Variants in VPS54 observed in about 807,000 individuals in gnomAD.
VPS54 encodes the protein vacuolar protein sorting-associated protein 54.
In VPS54, 45 loss-of-function variants were observed where a neutral mutation model predicts 121.5. The ratio of observed to expected loss-of-function variants is 0.37; its 90% CI spans 0.29 to 0.47. VPS54 has a LOEUF of 0.47. VPS54 is among the 20% of genes least tolerant of loss of function. The pLI is 0.99. For synonymous variants in VPS54, 371 were observed against 385.8 expected, an observed-to-expected ratio of 0.96 and a Z score of 0.45; for missense variants, 1,090 against 1,131.4, an observed-to-expected ratio of 0.96 and a Z score of 0.52.
At chr2:63,901,228 C>CAT (rs1672667682) in intron 20 of VPS54, among the ~76,000 whole-genome samples, 1 of 152,044 alleles carries the variant, frequency 6.6e-6, no homozygotes, top group Non-Finnish European at 1.5e-5. Context: ...TCTGTAAGAC[C>CAT]ATACATCAGA....
At chr2:63,895,143 A>G (rs1441880010) in intron 22 of VPS54, among the ~76,000 whole-genome samples, 2 of 151,972 alleles carry the variant, frequency 1.3e-5, no homozygotes, top group Non-Finnish European at 2.9e-5. Flanking sequence ...ATCTTAGAGG[A>G]AAAAAAATCA....
At chr2:63,923,113 A>G (rs1673723116) in intron 12 of VPS54, among the ~76,000 whole-genome samples, 1 of 152,134 alleles carries the variant, frequency 6.6e-6, no homozygotes, top group Admixed American at 6.5e-5. Context: ...GGAGACCGAG[A>G]TCATCCTGGC....
At chr2:63,974,261 G>A (rs1034644605) in intron 3 of VPS54, among the ~76,000 whole-genome samples, 2 of 152,122 alleles carry the variant, frequency 1.3e-5, no homozygotes, top group African/African-American at 4.8e-5. Flanking sequence ...TCAGTTGATT[G>A]TATTTGTGTG....
chr2:64,007,640 A>G (rs1210529756), intron 1 of VPS54, among the ~76,000 whole-genome samples: 1 of 152,248 alleles, frequency 6.6e-6, no homozygotes, highest in Non-Finnish European at 1.5e-5. Context: ...TAGTTCAATT[A>G]CATTACAGGA....
intron 1 of VPS54, among the ~76,000 whole-genome samples, chr2:63,989,306 T>G (rs1378250711): frequency 6.6e-6 from 1 of 152,168 alleles, no homozygotes; most frequent in Non-Finnish European, 1.5e-5. Context: ...AAGCACGTGA[T>G]CTCTGTGACC....
chr2:63,897,075 C>A (rs1672473952), intron 22 of VPS54, among the ~76,000 whole-genome samples: 1 of 152,164 alleles, frequency 6.6e-6, no homozygotes, highest in Non-Finnish European at 1.5e-5. Flanking sequence ...AAAATATATA[C>A]ATATACACAC....
chr2:63,947,708 C>T (rs748662619), intron 8 of VPS54, among the ~76,000 whole-genome samples: 3 of 152,112 alleles, frequency 2.0e-5, no homozygotes, highest in Admixed American at 6.6e-5. Context: ...CCACAGTGAA[C>T]CAATGAAGCT....
At chr2:63,944,393 C>T (rs1482518903) in intron 10 of VPS54, among the ~76,000 whole-genome samples, 1 of 152,196 alleles carries the variant, frequency 6.6e-6, no homozygotes, top group Non-Finnish European at 1.5e-5. Context: ...CTTCCCTCTA[C>T]TCAAGGTCAC....
At chr2:63,972,288 G>T (rs1379259118) in intron 3 of VPS54, 44 bp from the exon 4 acceptor site, 1 of 1,416,874 alleles carries the variant, frequency 7.1e-7, no homozygotes, top group Non-Finnish European at 9.8e-7. Context: ...GTGTAAACAT[G>T]AGTATTCAAA....
At chr2:63,925,543 C>G (rs572282222) in intron 12 of VPS54, among the ~76,000 whole-genome samples, 1 of 152,262 alleles carries the variant, frequency 6.6e-6, no homozygotes, top group African/African-American at 2.4e-5. Context: ...ACATGTGCAA[C>G]AAAGGTATCT....
chr2:63,897,405 T>C, intron 22 of VPS54, 91 bp downstream of exon 22: 1 of 902,034 alleles, frequency 1.1e-6, no homozygotes, highest in Non-Finnish European at 1.7e-6. Context: ...TTCAGTGTGA[T>C]TACAGCAGAA....
chr2:63,982,033 T>C, intron 2 of VPS54, 146 bp from the exon 3 acceptor site: 1 of 887,684 alleles, frequency 1.1e-6, no homozygotes. Context: ...TAAAAATCAA[T>C]CTGATTGAAT....
intron 1 of VPS54, among the ~76,000 whole-genome samples, chr2:63,995,734 C>T (rs775925583): frequency 2.3e-4 from 35 of 152,152 alleles, no homozygotes; most frequent in Non-Finnish European, 4.4e-4. Context: ...AAATGCAGTG[C>T]GACTGGAATA....
At chr2:63,941,396 A>C (rs969671934) in intron 11 of VPS54, among the ~76,000 whole-genome samples, 1 of 151,856 alleles carries the variant, frequency 6.6e-6, no homozygotes, top group Non-Finnish European at 1.5e-5. Flanking sequence ...GGCTAATTTA[A>C]AAATTTATTT....
At chr2:64,005,264 C>A (rs932905106) in intron 1 of VPS54, among the ~76,000 whole-genome samples, 1 of 150,776 alleles carries the variant, frequency 6.6e-6, no homozygotes, top group South Asian at 2.1e-4. Context: ...CCACCGCGCC[C>A]GGCTAATTTT....
chr2:63,953,572 ATC>A (rs1675358142), intron 7 of VPS54, among the ~76,000 whole-genome samples: 1 of 152,176 alleles, frequency 6.6e-6, no homozygotes, highest in Non-Finnish European at 1.5e-5. Context: ...TTGCGGTAGT[ATC>A]TCCCATTGAG....
intron 12 of VPS54, among the ~76,000 whole-genome samples, chr2:63,923,651 A>G (rs148579428): frequency 3.9e-5 from 6 of 152,368 alleles, no homozygotes; most frequent in African/African-American, 1.4e-4. Flanking sequence ...ATATGCTTCA[A>G]CATGGATGAA....
rs564510895 is a variant in VPS54 at position 63,957,217 on chromosome 2, C to T, written c.1010+4841G>A. Among the ~76,000 whole-genome samples, 46 of 152,014 alleles carry T rather than the reference C, an allele frequency of 3.0e-4. No homozygotes were observed. The Middle Eastern group carries it at 0.01, about 34-fold the overall frequency. On this transcript the variant is annotated intron_variant, in intron 7 of 22. Coordinates refer to ENST00000272322, the MANE Select transcript of VPS54 (RefSeq NM_016516.3). ...CAGCACTTTGGGAGGCCAAGGCGGGCGGATCACGAGGTCAGGAGATCGAGG... is the reference window on the plus strand; with the variant it reads ...CAGCACTTTGGGAGGCCAAGGCGGGTGGATCACGAGGTCAGGAGATCGAGG...
rs570129533 is a variant in VPS54, at chr2:63,926,664, C to T, written c.1740-5329G>A. Among the ~76,000 whole-genome samples the T allele has an allele frequency of 8.8e-4, 134 of 152,222 alleles. 2 individuals carry two copies. Among genetic ancestry groups the T allele is most frequent in the Non-Finnish European group, 8.4e-4 (57 of 67,974 alleles). Reference sequence around the variant, plus strand: ...CAGTGGGTGCAGCCCATGGAGGGTGCGCTGAAGCAGGGCGGGGCATCGCCT... The same window carrying T: ...CAGTGGGTGCAGCCCATGGAGGGTGTGCTGAAGCAGGGCGGGGCATCGCCT... On this transcript the variant is annotated intron_variant, in intron 12 of 22. Coordinates refer to ENST00000272322, the MANE Select transcript of VPS54 (RefSeq NM_016516.3).
Sources: gnomAD v4.1 joint callset for allele counts (sites outside exome capture counted in the v4.1 genomes callset) on GRCh38, gnomAD v4.1.1 for gene constraint, MANE v1.5 for transcripts, NCBI Gene and HGNC (gene_info 2026-07-23, HGNC 2026-07-21) for gene names.